The following SIAH2 variants were observed in gnomAD, a reference collection of about 807,000 sequenced individuals.
SIAH2 encodes siah E3 ubiquitin protein ligase 2.
A neutral mutation model predicts 20.4 loss-of-function variants in SIAH2; 4 were observed. That is an observed-to-expected ratio of 0.20 (90% CI 0.10 to 0.45). The LOEUF is 0.45. Ranked by LOEUF, SIAH2 falls within the 20% of genes least tolerant of loss-of-function variation. The probability of loss-of-function intolerance (pLI) is 0.99; values close to 1 mark genes in which losing one functional copy is unlikely to be tolerated. For missense variants in SIAH2, 259 were observed against 440.3 expected (o/e 0.59, Z 3.69); for synonymous variants, 171 against 192.5 (o/e 0.89, Z 0.93).
chr3:150,752,692 G>A (rs1714398161), intron 1 of SIAH2, among the ~76,000 whole-genome samples: 1 of 152,002 alleles, frequency 6.6e-6, no homozygotes, highest in South Asian at 2.1e-4. Context: ...TTCTTCTCCG[G>A]CCCCGCAAGT....
rs1258799689 is a variant in SIAH2, at chr3:150,742,354, G to A, written c.762C>T (p.Thr254=). The A allele has an allele frequency of 1.9e-6, 3 of 1,614,030 alleles. No individual in the cohort carries two copies. In the African/African-American group the frequency reaches 4.0e-5, roughly 22 times the overall value. Reference sequence around the variant, plus strand: ...AGGCAAAGTTCTCGGCTTGCTTGCGGGTGCCAATGAGCAGGACGATGGCAA... The same window carrying A: ...AGGCAAAGTTCTCGGCTTGCTTGCGAGTGCCAATGAGCAGGACGATGGCAA... ...QFFAIVLLIG[T]RKQAENFAYR... Residue 254 remains threonine, a synonymous_variant, in exon 2 of 2, where the codon ACC becomes ACT. Coordinates refer to ENST00000312960, the MANE Select transcript of SIAH2 (RefSeq NM_005067.7). The surrounding 1 kb of genome is among the most constrained non-coding windows in gnomAD (Gnocchi z 4.8).
chr3:150,762,247 G>C lies in SIAH2; in HGVS notation c.417+186C>G. 8.4e-7 allele frequency: 1 copy of C among 1,189,472 alleles called. No individual in the cohort carries two copies. The highest frequency in any genetic ancestry group is 1.1e-6 in the Non-Finnish European group (1 of 878,800). 73.7% of individuals were successfully genotyped at this position (1,189,472 alleles called of 1,614,324 possible). A position where few individuals can be genotyped will look rare whatever the true frequency, so the allele number is the denominator to read the frequency against. On this transcript the variant is annotated intron_variant, in intron 1 of 1. Transcript: ENST00000312960. This position sits in a 1 kb window ranked among gnomAD's most constrained non-coding sequence, Gnocchi z 6.6. The stretch of plus-strand genomic sequence containing the variant: ...AATTGTCTATTAACAATTATTACTC[G>C]GTAAATGTCAACCCAGACCTACACC...
At chr3:150,745,588 C>T (rs997462790) in intron 1 of SIAH2, among the ~76,000 whole-genome samples, 7 of 151,978 alleles carry the variant, frequency 4.6e-5, no homozygotes, top group East Asian at 1.9e-4. Flanking sequence ...CTCCGCCTCC[C>T]GGGTTCATGC....
At chr3:150,758,022 A>G (rs970916991) in intron 1 of SIAH2, among the ~76,000 whole-genome samples, 1 of 151,966 alleles carries the variant, frequency 6.6e-6, no homozygotes, top group Non-Finnish European at 1.5e-5. Flanking sequence ...GAGTGCATCA[A>G]ATACTTCTCT....
Position 150,762,785 on chromosome 3 carries a change from T to C in SIAH2, c.65A>G (p.Gln22Arg). 1 of 1,216,624 alleles carries C rather than the reference T, an allele frequency of 8.2e-7. No homozygotes were observed. The highest frequency in any genetic ancestry group is 1.0e-6 in the Non-Finnish European group (1 of 966,142). 75.4% of individuals were successfully genotyped at this position (1,216,624 alleles called of 1,614,324 possible). ...NKPCSKQPPP[Q>R]PQHTPSPAAP... ...AGCCGGGGACGGAGTGTGCTGGGGCTGCGGCGGCGGCTGCTTGCTGCAGGG... is the reference window on the plus strand; with the variant it reads ...AGCCGGGGACGGAGTGTGCTGGGGCCGCGGCGGCGGCTGCTTGCTGCAGGG... Residue 22 changes from glutamine to arginine, a missense_variant, in exon 1 of 2, where the codon CAG becomes CGG. Gln to Arg is a conservative substitution (Grantham distance 43). Coordinates refer to ENST00000312960, the MANE Select transcript of SIAH2 (RefSeq NM_005067.7). The surrounding 1 kb of genome is among the most constrained non-coding windows in gnomAD (Gnocchi z 6.6).
At chr3:150,758,569 ATTT>A (rs574596010) in intron 1 of SIAH2, among the ~76,000 whole-genome samples, 14 of 129,712 alleles carry the variant, frequency 1.1e-4, no homozygotes, top group Non-Finnish European at 9.9e-5. Flanking sequence ...TAGACATTCC[ATTT>A]TTTTTTTTTT....
At chr3:150,759,611 T>C (rs1203540135) in intron 1 of SIAH2, among the ~76,000 whole-genome samples, 1 of 152,158 alleles carries the variant, frequency 6.6e-6, no homozygotes, top group African/African-American at 2.4e-5. Flanking sequence ...ATGCAGGTGC[T>C]TGGACTGGTC....
intron 1 of SIAH2, among the ~76,000 whole-genome samples, chr3:150,745,665 T>C (rs1426682692): frequency 1.3e-5 from 2 of 151,888 alleles, no homozygotes; most frequent in Non-Finnish European, 2.9e-5. Context: ...CCAGCTAATT[T>C]TTTGTATTTT....
rs1444197 is a variant in SIAH2 at position 150,762,270 on chromosome 3, A to G, written c.417+163T>C. ...TCGGTAAATGTCAACCCAGACCTAC[A>G]CCCAAAGTGGGCTTGAGGGAGGGTG... On this transcript the variant is annotated intron_variant, in intron 1 of 1. Coordinates refer to ENST00000312960, the MANE Select transcript of SIAH2 (RefSeq NM_005067.7). The surrounding 1 kb of genome is among the most constrained non-coding windows in gnomAD (Gnocchi z 6.6). The G allele has an allele frequency of 3.6e-6, 5 of 1,382,090 alleles. No individual in the cohort carries two copies. Among genetic ancestry groups the G allele is most frequent in the African/African-American group, 1.5e-5 (1 of 68,176 alleles). 85.6% of individuals were successfully genotyped at this position (1,382,090 alleles called of 1,614,324 possible).
intron 1 of SIAH2, among the ~76,000 whole-genome samples, chr3:150,747,668 C>T (rs1236625229): frequency 1.3e-5 from 2 of 152,026 alleles, no homozygotes; most frequent in South Asian, 2.1e-4. Flanking sequence ...GGACCGGGCG[C>T]GATGGCTCAC....
At chr3:150,746,524 G>C (rs1278065355) in intron 1 of SIAH2, among the ~76,000 whole-genome samples, 1 of 152,208 alleles carries the variant, frequency 6.6e-6, no homozygotes, top group African/African-American at 2.4e-5. Flanking sequence ...ATAATTCGTT[G>C]TTGTGGGGGC....
chr3:150,744,405 ACT>A (rs372391154), intron 1 of SIAH2, among the ~76,000 whole-genome samples: 3 of 152,058 alleles, frequency 2.0e-5, no homozygotes, highest in African/African-American at 7.3e-5. Context: ...ATCTTTTAAA[ACT>A]CTGAACTAAT....
intron 1 of SIAH2, among the ~76,000 whole-genome samples, chr3:150,753,419 A>G (rs1254935690): frequency 6.6e-6 from 1 of 152,228 alleles, no homozygotes; most frequent in African/African-American, 2.4e-5. Flanking sequence ...GTAACACCCA[A>G]TGTCGGTGCT....
At chr3:150,750,261 T>C (rs1333567914) in intron 1 of SIAH2, among the ~76,000 whole-genome samples, 1 of 152,242 alleles carries the variant, frequency 6.6e-6, no homozygotes, top group African/African-American at 2.4e-5. Flanking sequence ...TCACAGGTTA[T>C]TTTCTAGTTA....
chr3:150,742,758 C>T lies in SIAH2; in HGVS notation c.418-60G>A. On this transcript the variant is annotated intron_variant, in intron 1 of 1. Transcript: ENST00000312960. This position sits in a 1 kb window ranked among gnomAD's most constrained non-coding sequence, Gnocchi z 4.8. ...TTCTCAAAACTTCTATTGCTTCAAC[C>T]CTCTATGAGTACTTAACTACTCCAT... is the stretch of plus-strand genomic sequence containing the variant. 7.2e-7 allele frequency: 1 copy of T among 1,397,212 alleles called. No homozygotes were observed. The highest frequency in any genetic ancestry group is 9.7e-7 in the Non-Finnish European group (1 of 1,032,008). The allele number at this position is 1,397,212 out of a possible 1,614,324, so 86.6% of individuals were successfully genotyped here. A position where few individuals can be genotyped will look rare whatever the true frequency, so the allele number is the denominator to read the frequency against.
chr3:150,762,564 C>T lies in SIAH2; in HGVS notation c.286G>A (p.Ala96Thr), dbSNP rs755998051. The change falls in exon 1 of 2, where the codon GCC becomes ACC. Residue 96 changes from alanine (A) to threonine (T), a missense_variant. Around this residue, in one of 2 missense-constraint regions of SIAH2, gnomAD observed 160 missense variants for 327.6 expected, o/e 0.49. Transcript: ENST00000312960. This position sits in a 1 kb window ranked among gnomAD's most constrained non-coding sequence, Gnocchi z 6.6. ...CATTGGTTACACACCAGGTGCCCGG[C>T]CTGGCACTGCAGAATAGGAGGCAGG... Reference protein sequence around the residue: ...YVLPPILQCQAGHLVCNQCRQ... With the variant: ...YVLPPILQCQTGHLVCNQCRQ... 1 of 1,613,498 alleles carries T rather than the reference C, an allele frequency of 6.2e-7. No individual in the cohort carries two copies. Among genetic ancestry groups the T allele is most frequent in the South Asian group, 1.1e-5 (1 of 91,066 alleles).
intron 1 of SIAH2, among the ~76,000 whole-genome samples, chr3:150,758,569 A>ATTTT (rs574596010): frequency 7.7e-6 from 1 of 129,756 alleles, no homozygotes; most frequent in East Asian, 2.2e-4. Context: ...TAGACATTCC[A>ATTTT]TTTTTTTTTT....
chr3:150,746,832 G>A (rs1415816038), intron 1 of SIAH2, among the ~76,000 whole-genome samples: 1 of 152,230 alleles, frequency 6.6e-6, no homozygotes, highest in Non-Finnish European at 1.5e-5. Context: ...CCCACCCAAT[G>A]AGCACTACCA....
At chr3:150,747,279 C>T (rs1714238369) in intron 1 of SIAH2, among the ~76,000 whole-genome samples, 1 of 152,222 alleles carries the variant, frequency 6.6e-6, no homozygotes, top group Non-Finnish European at 1.5e-5. Context: ...AGCAGCATCT[C>T]AAATCAGTAA....
Sources: gnomAD v4.1 joint callset for allele counts (sites outside exome capture counted in the v4.1 genomes callset) on GRCh38, gnomAD v4.1.1 for gene constraint, gnomAD v4.1.1 regional missense constraint, Gnocchi (gnomAD v3.1) non-coding constraint, MANE v1.5 for transcripts, NCBI Gene and HGNC (gene_info 2026-07-23, HGNC 2026-07-21) for gene names.